LRRFIP1: variants seen among roughly 807,000 people sequenced by gnomAD.
LRRFIP1 encodes the protein leucine-rich repeat flightless-interacting protein 1.
LRRFIP1 carries 62 observed loss-of-function variants against 104.4 expected under a neutral mutation model. The ratio of observed to expected loss-of-function variants is 0.59; its 90% CI spans 0.48 to 0.73. The LOEUF (loss-of-function observed/expected upper bound fraction) is 0.73, where lower values mean the gene tolerates loss of function less well. Ranked by LOEUF, LRRFIP1 falls within the 30% of genes least tolerant of loss-of-function variation. The probability of loss-of-function intolerance (pLI) is 0.00; values close to 1 mark genes in which losing one functional copy is unlikely to be tolerated. For missense variants in LRRFIP1, 796 were observed against 824.5 expected (o/e 0.97, Z 0.42); for synonymous variants, 300 against 299.0 (o/e 1.00, Z -0.03).
chr2:237,676,344 A>C (rs987289390), intron 1 of LRRFIP1, among the ~76,000 whole-genome samples: 1 of 152,200 alleles, frequency 6.6e-6, no homozygotes, highest in African/African-American at 2.4e-5. Flanking sequence ...CTTTTTAAAA[A>C]ATTAGACCAG....
intron 1 of LRRFIP1, among the ~76,000 whole-genome samples, chr2:237,701,795 G>T (rs1201995607): frequency 6.6e-6 from 1 of 152,216 alleles, no homozygotes; most frequent in Non-Finnish European, 1.5e-5. Flanking sequence ...ATGCCGTGGG[G>T]TCCCTTTGCA....
chr2:237,663,070 C>CT (rs749578103), intron 1 of LRRFIP1, among the ~76,000 whole-genome samples: 6 of 152,168 alleles, frequency 3.9e-5, no homozygotes, highest in Admixed American at 3.9e-4. Flanking sequence ...AGCTGGAACA[C>CT]TGACACTTCA....
At position 237,735,365 on chromosome 2, in the gene LRRFIP1, C is replaced by A; in HGVS notation, c.555+32C>A. On this transcript the variant is annotated intron_variant, in intron 10 of 23. Coordinates refer to ENST00000308482, the MANE Select transcript of LRRFIP1 (RefSeq NM_001137550.2). This position sits in a 1 kb window ranked among gnomAD's most constrained non-coding sequence, Gnocchi z 4.6. ...CGCTTTCGGTGATACCTCCTTTCCC[C>A]CGTGCCTGCTGCATGGCCTGGGGAT... The A allele has an allele frequency of 6.2e-7, 1 of 1,603,676 alleles. No homozygotes were observed. Among genetic ancestry groups the A allele is most frequent in the Non-Finnish European group, 8.5e-7 (1 of 1,175,602 alleles).
chr2:237,764,677 A>T, intron 19 of LRRFIP1: 1 of 989,138 alleles, frequency 1.0e-6, no homozygotes. Flanking sequence ...AGGTCACTGA[A>T]TGATAAGATT....
rs774123036 is a variant in LRRFIP1 at position 237,735,435 on chromosome 2, C to T, written c.555+102C>T. The T allele has an allele frequency of 3.2e-5, 35 of 1,087,688 alleles. 1 individual carries two copies. Among genetic ancestry groups the T allele is most frequent in the Middle Eastern group, 5.1e-4 (2 of 3,958 alleles). The allele number at this position is 1,087,688 out of a possible 1,614,324, so 67.4% of individuals were successfully genotyped here. On this transcript the variant is annotated intron_variant, in intron 10 of 23. Transcript: ENST00000308482. This position sits in a 1 kb window ranked among gnomAD's most constrained non-coding sequence, Gnocchi z 4.6. The stretch of plus-strand genomic sequence containing the variant: ...GCCGTGGGGGGTGACTGGCCATTCT[C>T]AGGAGGAAGCGCCGAGTCACCGGGC...
intron 3 of LRRFIP1, among the ~76,000 whole-genome samples, chr2:237,715,578 T>C (rs2150111035): frequency 6.6e-6 from 1 of 152,356 alleles, no homozygotes; most frequent in African/African-American, 2.4e-5. Flanking sequence ...CCCGGAAACC[T>C]GCAGTGGAGG....
At chr2:237,736,734 C>G (rs56019700) in intron 10 of LRRFIP1, among the ~76,000 whole-genome samples, 176 of 152,334 alleles carry the variant, frequency 1.2e-3, no homozygotes, top group South Asian at 3.5e-3. Context: ...AGGAGGTCAT[C>G]TTGTCCTGAC....
intron 19 of LRRFIP1, chr2:237,763,775 G>A: frequency 1.2e-6 from 2 of 1,614,234 alleles, no homozygotes; most frequent in Non-Finnish European, 1.7e-6. Flanking sequence ...TCAATCATCA[G>A]GCCCGAGGGC....
At chr2:237,647,529 G>A (rs921116852) in intron 1 of LRRFIP1, among the ~76,000 whole-genome samples, 2 of 152,090 alleles carry the variant, frequency 1.3e-5, no homozygotes, top group African/African-American at 2.4e-5. Flanking sequence ...CCCCCACCCT[G>A]CAGCAGGGTT....
chr2:237,753,118 A>C (rs1365502428), intron 14 of LRRFIP1, among the ~76,000 whole-genome samples, 191 bp from the exon 15 acceptor site: 1 of 152,218 alleles, frequency 6.6e-6, no homozygotes, highest in Non-Finnish European at 1.5e-5. Context: ...CTGAGCAATG[A>C]GAATTTGACC....
chr2:237,723,149 A>G (rs777634008), intron 6 of LRRFIP1, among the ~76,000 whole-genome samples: 12 of 152,106 alleles, frequency 7.9e-5, no homozygotes, highest in Non-Finnish European at 1.3e-4. Flanking sequence ...TAGATTTTGG[A>G]TTTTCTAGAA....
chr2:237,674,142 C>T (rs961880000), intron 1 of LRRFIP1, among the ~76,000 whole-genome samples: 2 of 152,132 alleles, frequency 1.3e-5, no homozygotes, highest in East Asian at 1.9e-4. Flanking sequence ...ATTTGAGGTG[C>T]CTTTGGGGCT....
chr2:237,774,287 CA>C, intron 22 of LRRFIP1, 70 bp from the exon 23 acceptor site: 1 of 882,492 alleles, frequency 1.1e-6, no homozygotes, highest in South Asian at 1.5e-5. Context: ...TCTTTGATCT[CA>C]AAGTAAAGAA....
At chr2:237,716,694 T>C (rs1439981638) in intron 3 of LRRFIP1, among the ~76,000 whole-genome samples, 1 of 152,236 alleles carries the variant, frequency 6.6e-6, no homozygotes, top group African/African-American at 2.4e-5. Context: ...CACATCTGTG[T>C]TATAATGATA....
In LRRFIP1 at chr2:237,711,268, C is replaced by G. The variant is rs549300568; in HGVS notation, c.183+2638C>G. 6.6e-6 allele frequency among the ~76,000 whole-genome samples: 1 copy of G among 152,318 alleles called. No homozygotes were observed. Among genetic ancestry groups the G allele is most frequent in the South Asian group, 2.1e-4 (1 of 4,832 alleles). On this transcript the variant is annotated intron_variant, in intron 2 of 23. Transcript: ENST00000308482. The surrounding 1 kb of genome is among the most constrained non-coding windows in gnomAD (Gnocchi z 4.4). Reference sequence around the variant, plus strand: ...AAACGCCATGGTTTGCCTTCTTCAGCATGAGTACAGATGTCATTTGCTTAG... The same window carrying G: ...AAACGCCATGGTTTGCCTTCTTCAGGATGAGTACAGATGTCATTTGCTTAG...
rs986794435 is a variant in LRRFIP1, at chr2:237,781,120, T to C, written c.*1588T>C. 1.3e-5 allele frequency among the ~76,000 whole-genome samples: 2 copies of C among 152,082 alleles called. No homozygotes were observed. Among genetic ancestry groups the C allele is most frequent in the Non-Finnish European group, 2.9e-5 (2 of 68,052 alleles). Reference sequence around the variant, plus strand: ...TGGGCCCACCGGCAAAAGGGAGATATTCAGTTCCTTGTCTCATCCTTAAGG... The same window carrying C: ...TGGGCCCACCGGCAAAAGGGAGATACTCAGTTCCTTGTCTCATCCTTAAGG... On this transcript the variant is annotated 3_prime_UTR_variant, in exon 24 of 24. Coordinates refer to ENST00000308482, the MANE Select transcript of LRRFIP1 (RefSeq NM_001137550.2).
rs1168873616 is a variant in LRRFIP1, at chr2:237,719,564, A to G, written c.291A>G (p.Thr97=). The change falls in exon 5 of 24, where the codon ACA becomes ACG. Residue 97 remains threonine (T), a synonymous_variant. Transcript: ENST00000308482. Reference sequence around the variant, plus strand: ...ACTCTCGTAGATCCAGAAGAAACACATCGGTTAGTACCGTGTTCATTCATT... The same window carrying G: ...ACTCTCGTAGATCCAGAAGAAACACGTCGGTTAGTACCGTGTTCATTCATT... ...ERYSRRSRRN[T]SASDEDERMS... is the part of the protein sequence containing the mutation. The G allele has an allele frequency of 5.0e-6, 8 of 1,612,876 alleles. No individual in the cohort carries two copies. In the South Asian group the frequency reaches 5.5e-5, roughly 11 times the overall value.
rs1327571114 is a variant in LRRFIP1, at chr2:237,766,116, G to A, written c.1460-3827G>A. On this transcript the variant is annotated intron_variant, in intron 19 of 23. Transcript: ENST00000308482. The surrounding 1 kb of genome is among the most constrained non-coding windows in gnomAD (Gnocchi z 4.8). ...CTGGGGCTAGCATGGGCATTACTGG[G>A]AGAACTGAGACGATTGTCACGCACC... 3.3e-5 allele frequency among the ~76,000 whole-genome samples: 5 copies of A among 152,170 alleles called. No individual in the cohort carries two copies. Among genetic ancestry groups the A allele is most frequent in the African/African-American group, 1.2e-4 (5 of 41,440 alleles).
At chr2:237,758,687 G>A in intron 17 of LRRFIP1, 42 bp from the exon 18 acceptor site, 1 of 1,434,622 alleles carries the variant, frequency 7.0e-7, no homozygotes, top group Non-Finnish European at 9.7e-7. Flanking sequence ...TTGCTCATCT[G>A]TGCAAATCTT....
Sources: gnomAD v4.1 joint callset for allele counts (sites outside exome capture counted in the v4.1 genomes callset) on GRCh38, gnomAD v4.1.1 for gene constraint, Gnocchi (gnomAD v3.1) non-coding constraint, MANE v1.5 for transcripts, NCBI Gene and HGNC (gene_info 2026-07-23, HGNC 2026-07-21) for gene names.